Variants in KAZALD1 observed in about 807,000 individuals in gnomAD.
The protein encoded by KAZALD1 is Kazal type serine peptidase inhibitor domain 1.
KAZALD1 carries 31 observed loss-of-function variants against 27.7 expected under a neutral mutation model. The ratio of observed to expected loss-of-function variants is 1.12; its 90% CI spans 0.84 to 1.51. The LOEUF (loss-of-function observed/expected upper bound fraction) is 1.51. KAZALD1 is among the 40% of genes most tolerant of loss of function. KAZALD1 has a pLI of 0.00. For missense variants in KAZALD1, 444 were observed against 408.9 expected, an observed-to-expected ratio of 1.09 and a Z score of -0.74; for synonymous variants, 179 against 182.0, an observed-to-expected ratio of 0.98 and a Z score of 0.13.
rs370768551 is a variant in KAZALD1 at position 101,062,743 on chromosome 10, G to A, written c.151G>A (p.Glu51Lys). Residue 51 changes from glutamate (E) to lysine (K), a missense_variant, in exon 2 of 5, where the codon GAG becomes AAG. Glu to Lys is a moderately conservative substitution (Grantham distance 56, BLOSUM62 1). Coordinates refer to ENST00000370200, the MANE Select transcript of KAZALD1 (RefSeq NM_030929.5). ...RGWMRLLAEG[E>K]GCAPCRPEEC... ...CTGGATGCGGCTGCTAGCGGAGGGC[G>A]AGGGCTGCGCTCCCTGCCGGCCAGA... 15 of 1,544,448 alleles carry A rather than the reference G, an allele frequency of 9.7e-6. No individual in the cohort carries two copies. The East Asian group carries it at 2.0e-4, about 20-fold the overall frequency.
chr10:101,062,848 G>A lies in KAZALD1; in HGVS notation c.256G>A (p.Glu86Lys). 1 of 1,595,016 alleles carries A rather than the reference G, an allele frequency of 6.3e-7. No homozygotes were observed. The stretch of plus-strand genomic sequence containing the variant: ...CTGCTGCTGGGAATGCGCCAACCTC[G>A]AGGGCCAGCTCTGCGACCTGGACCC... ...CGCCWECANL[E>K]GQLCDLDPSA... Residue 86 changes from glutamate to lysine, a missense_variant, in exon 2 of 5, where the codon GAG (glutamate) becomes AAG (lysine). By Grantham distance (56) the Glu-to-Lys change is moderately conservative. Transcript: ENST00000370200.
chr10:101,067,857 AGACCTTGGG>A (rs753494956), downstream of KAZALD1: 13 of 466,596 alleles, frequency 2.8e-5, no homozygotes, highest in Non-Finnish European at 4.9e-5. Context: ...CCAAGACTGC[AGACCTTGGG>A]GACCGAGGAC....
Position 101,064,932 on chromosome 10 carries a change from T to G in KAZALD1, c.*12T>G. 4 of 1,591,722 alleles carry G rather than the reference T, an allele frequency of 2.5e-6. No individual in the cohort carries two copies. Among genetic ancestry groups the G allele is most frequent in the Non-Finnish European group, 3.4e-6 (4 of 1,159,750 alleles). The stretch of plus-strand genomic sequence containing the variant: ...ACGATTACTACTAGGTCCAGAGCTC[T>G]GGCCCATGGGGGTGGGTGAGCGGCT... On this transcript the variant is annotated 3_prime_UTR_variant, in exon 5 of 5. Coordinates refer to ENST00000370200, the MANE Select transcript of KAZALD1 (RefSeq NM_030929.5).
chr10:101,062,761 C>T lies in KAZALD1; in HGVS notation c.169C>T (p.Arg57Trp). 6.5e-7 allele frequency: 1 copy of T among 1,539,500 alleles called. No homozygotes were observed. Among genetic ancestry groups the T allele is most frequent in the Non-Finnish European group, 8.7e-7 (1 of 1,153,694 alleles). ...GGAGGGCGAGGGCTGCGCTCCCTGC[C>T]GGCCAGAAGAGTGCGCCGCGCCGCG... ...LAEGEGCAPC[R>W]PEECAAPRGC... The change falls in exon 2 of 5, where the codon CGG becomes TGG. Residue 57 changes from arginine to tryptophan, a missense_variant. Arg to Trp is a moderately radical substitution (Grantham distance 101, BLOSUM62 -3). Transcript: ENST00000370200.
downstream of KAZALD1, chr10:101,067,917 C>A (rs1182853771): frequency 2.1e-6 from 1 of 471,458 alleles, no homozygotes; most frequent in East Asian, 6.9e-5. Flanking sequence ...ATGGCGCGGG[C>A]GGTGGCGTGC....
Position 101,066,442 on chromosome 10 carries a change from C to G in KAZALD1, c.*1522C>G, listed in dbSNP as rs749370659. On this transcript the variant is annotated 3_prime_UTR_variant, in exon 5 of 5. Coordinates refer to ENST00000370200, the MANE Select transcript of KAZALD1 (RefSeq NM_030929.5). ...TTAAGCCAGCGACAGTTTTTATTGCCGAACCCAGGCTGGAAGCGGGCGGCC... is the reference window on the plus strand; with the variant it reads ...TTAAGCCAGCGACAGTTTTTATTGCGGAACCCAGGCTGGAAGCGGGCGGCC... 45 of 456,636 alleles carry G rather than the reference C, an allele frequency of 9.9e-5. No homozygotes were observed. Among genetic ancestry groups the G allele is most frequent in the East Asian group, 2.1e-4 (3 of 14,396 alleles). 28.3% of individuals were successfully genotyped at this position (456,636 alleles called of 1,614,324 possible).
rs960191496 is a variant in KAZALD1, at chr10:101,067,026, G to A, written c.*2106G>A. 6.3e-6 allele frequency: 2 copies of A among 319,124 alleles called. No homozygotes were observed. Among genetic ancestry groups the A allele is most frequent in the Non-Finnish European group, 1.2e-5 (2 of 161,240 alleles). The allele number at this position is 319,124 out of a possible 1,614,324, so 19.8% of individuals were successfully genotyped here. On this transcript the variant is annotated 3_prime_UTR_variant, in exon 5 of 5. Transcript: ENST00000370200. ...ATTAAAGTAATGCGGGCGCAGGGACGGGAAAGGTTTAATAAACGTGCTGAG... is the reference window on the plus strand; with the variant it reads ...ATTAAAGTAATGCGGGCGCAGGGACAGGAAAGGTTTAATAAACGTGCTGAG...
chr10:101,064,600 G>A lies in KAZALD1; in HGVS notation c.772G>A (p.Ala258Thr), dbSNP rs1381083513. The A allele has an allele frequency of 6.2e-7, 1 of 1,613,854 alleles. No individual in the cohort carries two copies. The highest frequency in any genetic ancestry group is 8.5e-7 in the Non-Finnish European group (1 of 1,180,022). The change falls in exon 4 of 5, where the codon GCC (alanine) becomes ACC (threonine). Residue 258 changes from alanine (A) to threonine (T), a missense_variant. By Grantham distance (58) the Ala-to-Thr change is moderately conservative. Coordinates refer to ENST00000370200, the MANE Select transcript of KAZALD1 (RefSeq NM_030929.5). ...CACTTACCGCTGCCTTGGCCGCAAT[G>A]CCCTGGGTCAAGTGGAGGCCCCTGC... ...EGTYRCLGRN[A>T]LGQVEAPASL...
At chr10:101,064,456 C>G (rs1939261018) in intron 3 of KAZALD1, 35 bp downstream of exon 3, 2 of 1,614,016 alleles carry the variant, frequency 1.2e-6, no homozygotes, top group South Asian at 2.2e-5. Context: ...TCAGGCAGCC[C>G]AGGGCCCTCC....
chr10:101,062,943 C>T lies in KAZALD1; in HGVS notation c.351C>T (p.Ser117=). 1 of 1,602,334 alleles carries T rather than the reference C, an allele frequency of 6.2e-7. No individual in the cohort carries two copies. The highest frequency in any genetic ancestry group is 8.5e-7 in the Non-Finnish European group (1 of 1,179,504). The change falls in exon 2 of 5, where the codon AGC becomes AGT. Residue 117 remains serine, a synonymous_variant. Coordinates refer to ENST00000370200, the MANE Select transcript of KAZALD1 (RefSeq NM_030929.5). ...GGCTGGACACAGGCGGCGACCTGAG[C>T]CGCGGAGAGGTGCCGGAACCTCTGT... is the stretch of plus-strand genomic sequence containing the variant. ...ECRLDTGGDL[S]RGEVPEPLCA...
chr10:101,065,707 A>G lies in KAZALD1; in HGVS notation c.*787A>G, dbSNP rs1294434375. 6.6e-6 allele frequency: 1 copy of G among 152,296 alleles called. No homozygotes were observed. The highest frequency in any genetic ancestry group is 1.5e-5 in the Non-Finnish European group (1 of 68,078). The allele number at this position is 152,296 out of a possible 1,614,324, so 9.4% of individuals were successfully genotyped here. ...TGCTCTCTAAGCACATGCCTGCCAGATGTACAAAGAGAAAGTTTGAACTTG... is the reference window on the plus strand; with the variant it reads ...TGCTCTCTAAGCACATGCCTGCCAGGTGTACAAAGAGAAAGTTTGAACTTG... On this transcript the variant is annotated 3_prime_UTR_variant, in exon 5 of 5. Transcript: ENST00000370200.
Position 101,065,899 on chromosome 10 carries a change from C to T in KAZALD1, c.*979C>T, listed in dbSNP as rs1362302615. Among the ~76,000 whole-genome samples the T allele has an allele frequency of 6.6e-6, 1 of 152,174 alleles. No homozygotes were observed. Among genetic ancestry groups the T allele is most frequent in the African/African-American group, 2.4e-5 (1 of 41,434 alleles). ...TGGGGAACAGGGCTATGTGGGTTGG[C>T]CCCCAAAATGAAAGCATAAACTGGA... On this transcript the variant is annotated 3_prime_UTR_variant, in exon 5 of 5. Coordinates refer to ENST00000370200, the MANE Select transcript of KAZALD1 (RefSeq NM_030929.5).
In KAZALD1 at chr10:101,067,055, C is replaced by A; in HGVS notation, c.*2135C>A. Reference sequence around the variant, plus strand: ...AAGGTTTAATAAACGTGCTGAGATGCCGAGGATTATTCACCGCAAATAAAT... The same window carrying A: ...AAGGTTTAATAAACGTGCTGAGATGACGAGGATTATTCACCGCAAATAAAT... On this transcript the variant is annotated 3_prime_UTR_variant, in exon 5 of 5. Coordinates refer to ENST00000370200, the MANE Select transcript of KAZALD1 (RefSeq NM_030929.5). The A allele has an allele frequency of 2.9e-6, 1 of 343,020 alleles. No individual in the cohort carries two copies. The highest frequency in any genetic ancestry group is 5.8e-6 in the Non-Finnish European group (1 of 172,200). The allele number at this position is 343,020 out of a possible 1,614,324, so 21.2% of individuals were successfully genotyped here. A position where few individuals can be genotyped will look rare whatever the true frequency, so the allele number is the denominator to read the frequency against.
At position 101,065,375 on chromosome 10, in the gene KAZALD1, T is replaced by G; in HGVS notation, c.*455T>G. ...GTTTGCCCTTTCCCCAAACTCATCT[T>G]CCAGAACTTTTCCCTCTCTCCTAAG... On this transcript the variant is annotated 3_prime_UTR_variant, in exon 5 of 5. Transcript: ENST00000370200. 1 of 176,520 alleles carries G rather than the reference T, an allele frequency of 5.7e-6. No individual in the cohort carries two copies. The highest frequency in any genetic ancestry group is 1.2e-5 in the Non-Finnish European group (1 of 81,794). The allele number at this position is 176,520 out of a possible 1,614,324, so 10.9% of individuals were successfully genotyped here.
chr10:101,063,938 CA>C (rs1939241636), intron 2 of KAZALD1, among the ~76,000 whole-genome samples: 1 of 152,192 alleles, frequency 6.6e-6, no homozygotes. Context: ...GAAATGAGGA[CA>C]GGGGAGCAGT....
Position 101,063,083 on chromosome 10 carries a change from AC to A in KAZALD1, c.494del (p.Pro165ArgfsTer20), listed in dbSNP as rs1939211957. 6.4e-7 allele frequency: 1 copy of A among 1,559,502 alleles called. No homozygotes were observed. The highest frequency in any genetic ancestry group is 1.4e-5 in the African/African-American group (1 of 73,540). On this transcript the variant is annotated frameshift_variant, in exon 2 of 5. Transcript: ENST00000370200. LOFTEE classifies it high-confidence loss of function. ...CCCGATGCCAACCTCACTGTGGCAC[AC>A]CCGGGGCCCTGCGAATCGGGTACGC... ...ARPDANLTVA[H>X]PGPCESGPQI...
downstream of KAZALD1, chr10:101,067,118 T>C: frequency 2.9e-6 from 1 of 345,236 alleles, no homozygotes; most frequent in Non-Finnish European, 5.8e-6. Context: ...AATTTCCCGC[T>C]GCTCCCGGGG....
chr10:101,064,639 C>T lies in KAZALD1; in HGVS notation c.811C>T (p.Leu271Phe), dbSNP rs1939269122. The T allele has an allele frequency of 1.2e-6, 2 of 1,613,502 alleles. No individual in the cohort carries two copies. The highest frequency in any genetic ancestry group is 8.5e-7 in the Non-Finnish European group (1 of 1,180,040). The change falls in exon 4 of 5, where the codon CTC (leucine) becomes TTC (phenylalanine). Residue 271 changes from leucine (L) to phenylalanine (F), a missense_variant. Physicochemically the swap from Leu to Phe is conservative, Grantham distance 22 (BLOSUM62 0). Coordinates refer to ENST00000370200, the MANE Select transcript of KAZALD1 (RefSeq NM_030929.5). ...GGAGGCCCCTGCTAGCTTGACAGTG[C>T]TCACACCTGGTAAGGGGATTCCTGA... The part of the protein sequence containing the change: ...QVEAPASLTV[L>F]TPDQLNSTGI...
chr10:101,068,112 A>AT (rs1184971872), downstream of KAZALD1: 18 of 432,044 alleles, frequency 4.2e-5, no homozygotes, highest in Middle Eastern at 3.4e-4. Flanking sequence ...AAAAATCTGA[A>AT]TAAAAAAAAG....
Sources: allele counts gnomAD v4.1 joint callset (sites outside exome capture counted in the v4.1 genomes callset), GRCh38; gene constraint gnomAD v4.1.1; transcripts MANE v1.5; gene names NCBI Gene and HGNC (gene_info 2026-07-23, HGNC 2026-07-21).